The following KCNH7 variants were observed in gnomAD, a reference collection of about 807,000 sequenced individuals.
KCNH7 encodes potassium voltage-gated channel subfamily H member 7.
A neutral mutation model predicts 120.8 loss-of-function variants in KCNH7; 49 were observed. That is an observed-to-expected ratio of 0.41 (90% CI 0.32 to 0.51). The LOEUF is 0.51. KCNH7 is among the 20% of genes least tolerant of loss of function. KCNH7 has a pLI of 0.38. For synonymous variants in KCNH7, 547 were observed against 516.1 expected, an observed-to-expected ratio of 1.06 and a Z score of -0.81; for missense variants, 1,097 against 1,446.6, an observed-to-expected ratio of 0.76 and a Z score of 3.92.
intron 2 of KCNH7, among the ~76,000 whole-genome samples, chr2:162,584,558 G>A (rs1029496254): frequency 6.6e-6 from 1 of 152,000 alleles, no homozygotes; most frequent in African/African-American, 2.4e-5. Flanking sequence ...TTGACGGTGA[G>A]GTATAAATCC....
chr2:162,530,604 C>A (rs987328447), intron 3 of KCNH7, among the ~76,000 whole-genome samples: 4 of 152,054 alleles, frequency 2.6e-5, no homozygotes, highest in Middle Eastern at 3.4e-3. Context: ...ATTTTTATTT[C>A]AGATCATTTC....
At chr2:162,802,278 G>A (rs1684379992) in intron 2 of KCNH7, among the ~76,000 whole-genome samples, 1 of 151,694 alleles carries the variant, frequency 6.6e-6, no homozygotes, top group African/African-American at 2.4e-5. Flanking sequence ...CAAATGGGCT[G>A]GGAAAAACCT....
chr2:162,411,790 A>G (rs551009039), intron 9 of KCNH7, among the ~76,000 whole-genome samples: 114 of 151,826 alleles, frequency 7.5e-4, no homozygotes, highest in Non-Finnish European at 1.5e-3. Context: ...AATTGAAATC[A>G]ACTTTTTTTT....
intron 2 of KCNH7, among the ~76,000 whole-genome samples, chr2:162,557,684 T>C (rs748507836): frequency 1.3e-5 from 2 of 152,098 alleles, no homozygotes; most frequent in African/African-American, 2.4e-5. Flanking sequence ...TAATAATCAC[T>C]ATCACTTGGG....
chr2:162,428,200 C>T (rs937161734), intron 8 of KCNH7, among the ~76,000 whole-genome samples: 2 of 150,846 alleles, frequency 1.3e-5, no homozygotes, highest in Admixed American at 6.6e-5. Context: ...ATTTTATTTT[C>T]ATTTTTATTA....
rs138822663 is a variant in KCNH7, at chr2:162,769,981, T to G, written c.307+66556A>C. Among the ~76,000 whole-genome samples, 45 of 152,178 alleles carry G rather than the reference T, an allele frequency of 3.0e-4. 1 individual carries two copies. The East Asian group carries it at 7.1e-3, about 24-fold the overall frequency. ...GTACAATACAAAAGCAAAGTGATGC[T>G]CTTGATTTAAAATTTAAATTAATTC... On this transcript the variant is annotated intron_variant, in intron 2 of 15. Transcript: ENST00000332142.
chr2:162,442,650 G>T (rs915983563), intron 7 of KCNH7, among the ~76,000 whole-genome samples: 10 of 152,058 alleles, frequency 6.6e-5, no homozygotes, highest in Non-Finnish European at 1.3e-4. Flanking sequence ...CTTGAGCTCA[G>T]AGTTCAAGAT....
At chr2:162,423,650 T>C in intron 8 of KCNH7, 115 bp from the exon 9 acceptor site, 1 of 900,704 alleles carries the variant, frequency 1.1e-6, no homozygotes, top group Non-Finnish European at 1.7e-6. Context: ...GATTTACCAT[T>C]GGATCACGGG....
At chr2:162,670,828 A>G (rs534303940) in intron 2 of KCNH7, among the ~76,000 whole-genome samples, 1 of 152,124 alleles carries the variant, frequency 6.6e-6, no homozygotes, top group Non-Finnish European at 1.5e-5. Flanking sequence ...GAAAGAAATA[A>G]AACAAATAAA....
chr2:162,768,310 G>A (rs1682903036), intron 2 of KCNH7, among the ~76,000 whole-genome samples: 2 of 150,952 alleles, frequency 1.3e-5, no homozygotes, highest in East Asian at 2.0e-4. Context: ...AATTGTAATC[G>A]TTTTGGACAG....
chr2:162,547,026 G>T (rs1447590671), intron 2 of KCNH7, among the ~76,000 whole-genome samples: 3 of 152,074 alleles, frequency 2.0e-5, no homozygotes, highest in African/African-American at 7.2e-5. Flanking sequence ...AGGTTTCATT[G>T]ACTCACAGTT....
At chr2:162,623,564 G>A (rs768001014) in intron 2 of KCNH7, among the ~76,000 whole-genome samples, 2 of 152,148 alleles carry the variant, frequency 1.3e-5, no homozygotes, top group Non-Finnish European at 2.9e-5. Flanking sequence ...TTCCTCTTAA[G>A]GTGTTTTAGT....
chr2:162,581,534 G>A (rs2105917338), intron 2 of KCNH7, among the ~76,000 whole-genome samples: 1 of 152,082 alleles, frequency 6.6e-6, no homozygotes, highest in South Asian at 2.1e-4. Context: ...AGGCATTGGA[G>A]GTTATATCAC....
intron 2 of KCNH7, among the ~76,000 whole-genome samples, chr2:162,576,505 C>G (rs1693675302): frequency 8.4e-6 from 1 of 118,982 alleles, no homozygotes; most frequent in Non-Finnish European, 1.7e-5. Context: ...AAACTTGAGA[C>G]AGCTAATGAA....
chr2:162,722,813 C>CTTTCTTT (rs1220971256), intron 2 of KCNH7, among the ~76,000 whole-genome samples: 1 of 85,110 alleles, frequency 1.2e-5, no homozygotes. Flanking sequence ...TTCTTTTTTT[C>CTTTCTTT]TTTTTTTTTT....
At chr2:162,760,765 G>A (rs769863598) in intron 2 of KCNH7, among the ~76,000 whole-genome samples, 6 of 151,984 alleles carry the variant, frequency 3.9e-5, no homozygotes, top group Non-Finnish European at 5.9e-5. Context: ...TGCAGCATCT[G>A]CTCTAAAAGG....
chr2:162,520,776 A>G (rs2105791661), intron 3 of KCNH7, among the ~76,000 whole-genome samples: 1 of 151,986 alleles, frequency 6.6e-6, no homozygotes, highest in African/African-American at 2.4e-5. Context: ...CTCTAAAGAA[A>G]GAAAAATTAA....
intron 2 of KCNH7, among the ~76,000 whole-genome samples, chr2:162,718,411 A>G (rs1687207303): frequency 1.3e-5 from 2 of 152,036 alleles, no homozygotes; most frequent in African/African-American, 4.8e-5. Context: ...CATAACATTA[A>G]TACATTTAAC....
rs975170816 is a variant in KCNH7, at chr2:162,639,285, A to G, written c.308-102205T>C. ...CATTTTACTAGCATTATCTCATTCA[A>G]TCCTCACAGTTGTGTGAGATAGGTA... On this transcript the variant is annotated intron_variant, in intron 2 of 15. Transcript: ENST00000332142. Among the ~76,000 whole-genome samples the G allele has an allele frequency of 3.9e-5, 6 of 152,128 alleles. No homozygotes were observed. The South Asian group carries it at 1.0e-3, about 26-fold the overall frequency.
Sources: allele counts gnomAD v4.1 joint callset (sites outside exome capture counted in the v4.1 genomes callset), GRCh38; gene constraint gnomAD v4.1.1; transcripts MANE v1.5; gene names NCBI Gene and HGNC (gene_info 2026-07-23, HGNC 2026-07-21).